CNTN1: variants seen among roughly 807,000 people sequenced by gnomAD.
CNTN1 encodes contactin-1.
Under a neutral mutation model 126.4 loss-of-function variants are expected in CNTN1, and 38 were observed. The observed-to-expected ratio is 0.30, with a 90% CI of 0.23 to 0.39. The LOEUF is 0.39. Among genes scored for constraint, CNTN1 ranks in the 10% least tolerant of loss-of-function variants. The pLI, the probability that CNTN1 is intolerant of heterozygous loss-of-function variation, is 1.00. For missense variants in CNTN1, 1,009 were observed against 1,248.4 expected, an observed-to-expected ratio of 0.81 and a Z score of 2.89; for synonymous variants, 413 against 422.6, an observed-to-expected ratio of 0.98 and a Z score of 0.28.
intron 17 of CNTN1, among the ~76,000 whole-genome samples, chr12:40,997,739 C>T (rs143892031): frequency 9.4e-4 from 143 of 152,218 alleles, no homozygotes; most frequent in African/African-American, 3.2e-3. Context: ...TGCCAATTCT[C>T]CATGATGCTG....
intron 1 of CNTN1, among the ~76,000 whole-genome samples, chr12:40,703,865 C>T (rs1941664848): frequency 6.6e-6 from 1 of 151,938 alleles, no homozygotes; most frequent in South Asian, 2.1e-4. Flanking sequence ...GCTAGAGATA[C>T]AGTAATGATT....
chr12:41,049,165 T>G (rs1021774606), intron 23 of CNTN1, among the ~76,000 whole-genome samples: 1 of 152,186 alleles, frequency 6.6e-6, no homozygotes, highest in Non-Finnish European at 1.5e-5. Context: ...TGGTAATCAT[T>G]CCAACCTTTG....
At chr12:40,723,889 A>G (rs1162907329) in intron 1 of CNTN1, among the ~76,000 whole-genome samples, 1 of 152,202 alleles carries the variant, frequency 6.6e-6, no homozygotes, top group African/African-American at 2.4e-5. Context: ...TATGACTTTC[A>G]TGGACCCTAG....
intron 23 of CNTN1, among the ~76,000 whole-genome samples, chr12:41,054,489 A>G (rs541612030): frequency 6.6e-6 from 1 of 152,132 alleles, no homozygotes; most frequent in East Asian, 1.9e-4. Context: ...GCAAAGAGAG[A>G]AATGGTAATT....
chr12:41,042,546 G>A (rs1949440216), intron 23 of CNTN1, among the ~76,000 whole-genome samples: 2 of 152,008 alleles, frequency 1.3e-5, no homozygotes, highest in Admixed American at 1.3e-4. Context: ...TATTGTGTGG[G>A]AGTCTAAGTC....
At chr12:40,856,009 T>C (rs553391449) in intron 1 of CNTN1, among the ~76,000 whole-genome samples, 1 of 152,190 alleles carries the variant, frequency 6.6e-6, no homozygotes, top group South Asian at 2.1e-4. Context: ...TCCCAAAGAG[T>C]TTACATGCTC....
intron 15 of CNTN1, among the ~76,000 whole-genome samples, chr12:40,975,176 G>GA (rs1269239392): frequency 3.4e-5 from 3 of 87,672 alleles, no homozygotes; most frequent in South Asian, 4.6e-4. Context: ...TTGTAAAATG[G>GA]ATTATATATA....
At chr12:40,738,840 C>A (rs1937810555) in intron 1 of CNTN1, among the ~76,000 whole-genome samples, 1 of 152,008 alleles carries the variant, frequency 6.6e-6, no homozygotes, top group Non-Finnish European at 1.5e-5. Context: ...GAGAGTTGTA[C>A]CTGTAGTCGA....
chr12:40,872,212 T>TGTGTGTG (rs1943525526), intron 1 of CNTN1, among the ~76,000 whole-genome samples: 20 of 113,600 alleles, frequency 1.8e-4, no homozygotes, highest in African/African-American at 7.2e-4. Flanking sequence ...GTTGCTTTGT[T>TGTGTGTG]TGTGTGTGTG....
At chr12:40,911,272 G>A (rs1565930890) in intron 3 of CNTN1, among the ~76,000 whole-genome samples, 2 of 151,968 alleles carry the variant, frequency 1.3e-5, no homozygotes, top group African/African-American at 2.4e-5. Flanking sequence ...AGTAGAGACG[G>A]GGTTTCACCA....
At position 40,929,955 on chromosome 12, in the gene CNTN1, C is replaced by T; in HGVS notation, c.656C>T (p.Thr219Ile). The T allele has an allele frequency of 6.2e-7, 1 of 1,612,800 alleles. No individual in the cohort carries two copies. Among genetic ancestry groups the T allele is most frequent in the Non-Finnish European group, 8.5e-7 (1 of 1,179,038 alleles). ...TGCTTTGTTTCCAGTCCTTCTATTA[C>T]AAAGAGCGTGTTCAGCAAATTCATC... ...YSCFVSSPSI[T>I]KSVFSKFIPL... Residue 219 changes from threonine to isoleucine, a missense_variant, in exon 7 of 24, where the codon ACA becomes ATA. Transcript: ENST00000551295.
intron 23 of CNTN1, among the ~76,000 whole-genome samples, chr12:41,046,365 T>C (rs1949538822): frequency 2.0e-5 from 3 of 152,154 alleles, no homozygotes; most frequent in African/African-American, 7.2e-5. Context: ...CATATTACTC[T>C]GTCACCAATA....
At chr12:41,013,448 C>A (rs1208811142) in intron 17 of CNTN1, among the ~76,000 whole-genome samples, 1 of 152,010 alleles carries the variant, frequency 6.6e-6, no homozygotes, top group Non-Finnish European at 1.5e-5. Context: ...ACTCCCATAC[C>A]CTTACTTTCT....
At chr12:40,731,797 A>G (rs762282205) in intron 1 of CNTN1, among the ~76,000 whole-genome samples, 2 of 151,982 alleles carry the variant, frequency 1.3e-5, no homozygotes, top group Non-Finnish European at 2.9e-5. Context: ...ATTCAAACCT[A>G]ATAAATACAC....
intron 23 of CNTN1, among the ~76,000 whole-genome samples, chr12:41,057,018 ATGAT>A (rs1484698257): frequency 3.2e-5 from 2 of 63,224 alleles, no homozygotes; most frequent in Non-Finnish European, 2.7e-5. Context: ...ATATTTATAA[ATGAT>A]ATTTATAAAT....
intron 23 of CNTN1, among the ~76,000 whole-genome samples, chr12:41,068,710 ATAAT>A (rs1950101006): frequency 1.3e-5 from 2 of 152,238 alleles, no homozygotes; most frequent in Non-Finnish European, 2.9e-5. Context: ...ATAGATAATA[ATAAT>A]TTATTTGGTG....
intron 6 of CNTN1, among the ~76,000 whole-genome samples, chr12:40,926,171 G>GGATAGATAGATAGATAGATAGATAGATA (rs56862813): frequency 1.5e-5 from 2 of 137,512 alleles, no homozygotes; most frequent in African/African-American, 2.8e-5. Flanking sequence ...TGCTAAATAA[G>GGATAGATAGATAGATAGATAGATAGATA]GATAGATAGA....
chr12:40,908,546 T>A (rs1944918665), intron 2 of CNTN1, 53 bp downstream of exon 2: 1 of 1,272,476 alleles, frequency 7.9e-7, no homozygotes, highest in Admixed American at 1.8e-5. Context: ...ATAATTGATA[T>A]GCGTGTTTAT....
chr12:40,844,998 T>C (rs932420111), intron 1 of CNTN1, among the ~76,000 whole-genome samples: 2 of 152,184 alleles, frequency 1.3e-5, no homozygotes, highest in African/African-American at 4.8e-5. Flanking sequence ...ATTCCAAACA[T>C]GTATATTTCT....
Sources: gnomAD v4.1 joint callset for allele counts (sites outside exome capture counted in the v4.1 genomes callset) on GRCh38, gnomAD v4.1.1 for gene constraint, MANE v1.5 for transcripts, NCBI Gene and HGNC (gene_info 2026-07-23, HGNC 2026-07-21) for gene names.